CEP63: variants seen among roughly 807,000 people sequenced by gnomAD.
CEP63 encodes centrosomal protein of 63 kDa.
Under a neutral mutation model 89.1 loss-of-function variants are expected in CEP63, and 84 were observed. The observed-to-expected ratio is 0.94, with a 90% CI of 0.79 to 1.13. The LOEUF (loss-of-function observed/expected upper bound fraction) is 1.13. Ranked by LOEUF, CEP63 falls within the 50% of genes most tolerant of loss-of-function variation. The pLI is 0.00. For synonymous variants in CEP63, 267 were observed against 272.5 expected (o/e 0.98, Z 0.20); for missense variants, 838 against 813.3 (o/e 1.03, Z -0.37).
downstream of CEP63, among the ~76,000 whole-genome samples, chr3:134,592,469 GGTGTGT>G (rs34973626): frequency 5.5e-3 from 688 of 125,178 alleles, 7 homozygotes; most frequent in South Asian, 0.05. Flanking sequence ...TCTGCAAACT[GGTGTGT>G]GTGTGTGTGT....
intron 1 of CEP63, among the ~76,000 whole-genome samples, chr3:134,492,120 C>T (rs1937795722): frequency 7.8e-6 from 1 of 127,398 alleles, no homozygotes; most frequent in East Asian, 2.4e-4. Flanking sequence ...GTCGCCCAGG[C>T]TGGAGTGCAG....
chr3:134,734,974 G>T, the CEP63 span, among the ~76,000 whole-genome samples: 7 of 152,082 alleles, frequency 4.6e-5, no homozygotes, highest in South Asian at 1.5e-3. Context: ...TCTTCTATAG[G>T]CTCTTGCTTG....
At chr3:134,704,771 T>C in the CEP63 span, among the ~76,000 whole-genome samples, 6 of 152,254 alleles carry the variant, frequency 3.9e-5, no homozygotes, top group Non-Finnish European at 7.3e-5. Context: ...CTGGACAAGC[T>C]GGGACTTGCT....
At chr3:134,682,394 T>C in the CEP63 span, among the ~76,000 whole-genome samples, 2 of 152,122 alleles carry the variant, frequency 1.3e-5, no homozygotes, top group African/African-American at 4.8e-5. Flanking sequence ...GAGTTGCAAA[T>C]CATTAACTAG....
At chr3:134,547,610 A>ATTTATTTTTTTTTTTTTTTTTTTTTTTT in intron 9 of CEP63, 138 bp downstream of exon 9, 3 of 226,810 alleles carry the variant, frequency 1.3e-5, no homozygotes, top group African/African-American at 6.6e-5. Flanking sequence ...CTAAGTTCTT[A>ATTTATTTTTTTTTTTTTTTTTTTTTTTT]TTTCTTTTTT....
the CEP63 span, among the ~76,000 whole-genome samples, chr3:134,722,285 ACAG>A: frequency 0.041 from 836 of 20,536 alleles, 4 homozygotes; most frequent in South Asian, 0.089. Context: ...CTGTATATAT[ACAG>A]TACAGTATTC....
intron 3 of CEP63, among the ~76,000 whole-genome samples, chr3:134,515,950 G>A (rs1339557505): frequency 6.6e-6 from 1 of 152,196 alleles, no homozygotes; most frequent in Non-Finnish European, 1.5e-5. Flanking sequence ...GAAGGGGTGG[G>A]TTGCCCCTCC....
At chr3:134,635,729 A>T in the CEP63 span, among the ~76,000 whole-genome samples, 3 of 152,110 alleles carry the variant, frequency 2.0e-5, no homozygotes, top group African/African-American at 7.2e-5. Context: ...ATTTTACTGT[A>T]TGTTAATTTA....
At chr3:134,638,240 G>A in the CEP63 span, among the ~76,000 whole-genome samples, 1 of 152,298 alleles carries the variant, frequency 6.6e-6, no homozygotes, top group East Asian at 1.9e-4. Context: ...GCTTCCTTAA[G>A]GCATGGAGTG....
the CEP63 span, among the ~76,000 whole-genome samples, chr3:134,716,795 T>C: frequency 6.6e-6 from 1 of 152,304 alleles, no homozygotes; most frequent in East Asian, 1.9e-4. Flanking sequence ...TTTTCTCTGA[T>C]GGTCAATTAC....
the CEP63 span, among the ~76,000 whole-genome samples, chr3:134,695,987 GC>G: frequency 6.6e-6 from 1 of 152,218 alleles, no homozygotes; most frequent in Non-Finnish European, 1.5e-5. Flanking sequence ...GCTAGTGAGT[GC>G]CCCCGGGCTT....
chr3:134,743,003 C>A, the CEP63 span, among the ~76,000 whole-genome samples: 1 of 152,238 alleles, frequency 6.6e-6, no homozygotes, highest in South Asian at 2.1e-4. Context: ...CTCTGTCCCT[C>A]CTAGAACAAG....
chr3:134,536,663 A>G lies in CEP63; in HGVS notation c.442-492A>G, dbSNP rs761054662. ...AAAGGATATTGTGTTATCTGAATCT[A>G]CTTGGTTCCTTAGTTTTAGATACTG... is the stretch of plus-strand genomic sequence containing the variant. On this transcript the variant is annotated intron_variant, in intron 5 of 14. Coordinates refer to ENST00000675561, the MANE Select transcript of CEP63 (RefSeq NM_001353108.3). 2.0e-5 allele frequency: 4 copies of G among 198,118 alleles called. 1 individual carries two copies. Among genetic ancestry groups the G allele is most frequent in the Admixed American group, 5.3e-5 (1 of 18,884 alleles). 12.3% of individuals were successfully genotyped at this position (198,118 alleles called of 1,614,324 possible).
intron 1 of CEP63, among the ~76,000 whole-genome samples, chr3:134,491,341 A>G (rs6772406): frequency 0.66 from 100,245 of 152,002 alleles, 33,434 homozygotes; most frequent in East Asian, 0.81. Context: ...ATCTTTTCAT[A>G]TTTTTACTGT....
chr3:134,699,284 C>T, the CEP63 span, among the ~76,000 whole-genome samples: 2 of 152,172 alleles, frequency 1.3e-5, no homozygotes, highest in Non-Finnish European at 2.9e-5. Context: ...CCCGGAGTCA[C>T]CAAGCTGGAT....
chr3:134,701,318 A>ATATATACGTATATGTGTGTG, the CEP63 span, among the ~76,000 whole-genome samples: 13 of 113,026 alleles, frequency 1.2e-4, 1 homozygote, highest in South Asian at 3.1e-4. Context: ...ATATATGTGT[A>ATATATACGTATATGTGTGTG]TATATACATA....
At chr3:134,726,357 T>C in the CEP63 span, among the ~76,000 whole-genome samples, 2 of 151,926 alleles carry the variant, frequency 1.3e-5, no homozygotes, top group Non-Finnish European at 2.9e-5. Context: ...GACATTTTAA[T>C]CCCCCAGAAT....
chr3:134,548,810 A>G (rs189163841), intron 9 of CEP63, among the ~76,000 whole-genome samples: 212 of 152,250 alleles, frequency 1.4e-3, no homozygotes, highest in African/African-American at 4.5e-3. Context: ...AGTCTTTGTT[A>G]TTATTGAAGT....
chr3:134,758,536 C>T, the CEP63 span, among the ~76,000 whole-genome samples: 1 of 152,198 alleles, frequency 6.6e-6, no homozygotes, highest in African/African-American at 2.4e-5. Flanking sequence ...CTTCGGTTCA[C>T]ACATGAGAAA....
Sources: allele counts gnomAD v4.1 joint callset (sites outside exome capture counted in the v4.1 genomes callset), GRCh38; gene constraint gnomAD v4.1.1; transcripts MANE v1.5; gene names NCBI Gene and HGNC (gene_info 2026-07-23, HGNC 2026-07-21).